The following NCAM2 variants were observed in gnomAD, a reference collection of about 807,000 sequenced individuals.
NCAM2 encodes N-CAM-2.
In NCAM2, 30 loss-of-function variants were observed where a neutral mutation model predicts 98.1. The ratio of observed to expected loss-of-function variants is 0.31; its 90% CI spans 0.23 to 0.41. NCAM2 has a LOEUF of 0.41. Among genes scored for constraint, NCAM2 ranks in the 10% least tolerant of loss-of-function variants. NCAM2 has a pLI of 1.00. For synonymous variants in NCAM2, 368 were observed against 342.4 expected (o/e 1.07, Z -0.83); for missense variants, 867 against 1,005.8 (o/e 0.86, Z 1.87).
intron 1 of NCAM2, among the ~76,000 whole-genome samples, chr21:21,174,259 C>G (rs2068214567): frequency 1.3e-5 from 2 of 152,072 alleles, no homozygotes; most frequent in South Asian, 2.1e-4. Context: ...CCATCCATTC[C>G]TTTGCATGGA....
At chr21:21,142,365 G>GT (rs67457148) in intron 1 of NCAM2, among the ~76,000 whole-genome samples, 41 of 120,500 alleles carry the variant, frequency 3.4e-4, no homozygotes, top group African/African-American at 1.1e-3. Context: ...TTATTTGACC[G>GT]TTTTTTTTTA....
At chr21:21,135,102 T>C (rs1329855185) in intron 1 of NCAM2, among the ~76,000 whole-genome samples, 2 of 150,074 alleles carry the variant, frequency 1.3e-5, no homozygotes, top group African/African-American at 2.4e-5. Context: ...AAAAATTAGC[T>C]GGGCGTGGTG....
At chr21:21,518,373 G>T (rs1039212050) in intron 16 of NCAM2, among the ~76,000 whole-genome samples, 11 of 152,006 alleles carry the variant, frequency 7.2e-5, no homozygotes, top group African/African-American at 2.7e-4. Flanking sequence ...ATAAACTAAA[G>T]AACAAACATA....
At chr21:21,378,619 A>G (rs958362648) in intron 9 of NCAM2, among the ~76,000 whole-genome samples, 2 of 151,974 alleles carry the variant, frequency 1.3e-5, no homozygotes, top group Non-Finnish European at 2.9e-5. Context: ...CATTATTTGA[A>G]TTGTCTCTGC....
chr21:21,191,991 G>A (rs1601607447), intron 1 of NCAM2, among the ~76,000 whole-genome samples: 1 of 152,152 alleles, frequency 6.6e-6, no homozygotes, highest in African/African-American at 2.4e-5. Flanking sequence ...GGAGGCCGAG[G>A]CAGGCGGATC....
chr21:21,107,594 A>G (rs2066374962), intron 1 of NCAM2, among the ~76,000 whole-genome samples: 1 of 152,114 alleles, frequency 6.6e-6, no homozygotes, highest in African/African-American at 2.4e-5. Context: ...TCTTAATTAT[A>G]TTAAAAATAA....
intron 8 of NCAM2, among the ~76,000 whole-genome samples, chr21:21,343,410 C>T (rs529612078): frequency 2.7e-5 from 4 of 146,390 alleles, no homozygotes; most frequent in Non-Finnish European, 4.5e-5. Context: ...TCATGAGAAC[C>T]GAAAATCAGG....
At chr21:21,065,427 G>A (rs1279289877) in intron 1 of NCAM2, among the ~76,000 whole-genome samples, 4 of 151,860 alleles carry the variant, frequency 2.6e-5, no homozygotes, top group Admixed American at 6.6e-5. Context: ...CTAATACAAC[G>A]ACAAAAACAA....
chr21:21,463,130 G>A (rs962487854), intron 12 of NCAM2, among the ~76,000 whole-genome samples: 2 of 152,166 alleles, frequency 1.3e-5, no homozygotes, highest in Non-Finnish European at 2.9e-5. Flanking sequence ...CATTTTCCAA[G>A]TGGTAGTTTT....
chr21:21,316,117 G>C (rs200202668), intron 5 of NCAM2, among the ~76,000 whole-genome samples: 3 of 152,092 alleles, frequency 2.0e-5, no homozygotes, highest in East Asian at 3.9e-4. Flanking sequence ...CCTTTTGAAA[G>C]CTGTGTATTT....
intron 1 of NCAM2, among the ~76,000 whole-genome samples, chr21:21,204,474 T>C (rs1275138552): frequency 2.6e-5 from 4 of 152,130 alleles, no homozygotes; most frequent in East Asian, 1.9e-4. Context: ...AAGAAAGATA[T>C]TTGTTTTGTT....
Position 21,050,980 on chromosome 21 carries a change from T to A in NCAM2, c.55+52362T>A, listed in dbSNP as rs147542759. ...CTCTTATCAAGATACTTTAAAGTTG[T>A]TATTTTTCAGACCAAAATATCTGGA... On this transcript the variant is annotated intron_variant, in intron 1 of 17. Coordinates refer to ENST00000400546, the MANE Select transcript of NCAM2 (RefSeq NM_004540.5). 2.9e-3 allele frequency among the ~76,000 whole-genome samples: 437 copies of A among 152,300 alleles called. 2 individuals carry two copies. Among genetic ancestry groups the A allele is most frequent in the African/African-American group, 0.01 (422 of 41,574 alleles).
chr21:21,348,014 T>A (rs1174888079), intron 8 of NCAM2, among the ~76,000 whole-genome samples: 1 of 152,066 alleles, frequency 6.6e-6, no homozygotes, highest in African/African-American at 2.4e-5. Context: ...TCATACTGAA[T>A]GTGGAAAAAT....
chr21:21,241,169 C>T, intron 1 of NCAM2, among the ~76,000 whole-genome samples: 1 of 151,982 alleles, frequency 6.6e-6, no homozygotes, highest in Non-Finnish European at 1.5e-5. Context: ...CAATTAAAAA[C>T]AAAAAGTTTT....
intron 16 of NCAM2, among the ~76,000 whole-genome samples, chr21:21,529,269 A>G (rs1274387751): frequency 6.6e-6 from 1 of 152,128 alleles, no homozygotes; most frequent in Non-Finnish European, 1.5e-5. Flanking sequence ...TTAATCAGAA[A>G]ATCTGAGAAA....
intron 15 of NCAM2, among the ~76,000 whole-genome samples, chr21:21,500,409 T>C (rs890699148): frequency 6.6e-6 from 1 of 152,132 alleles, no homozygotes; most frequent in African/African-American, 2.4e-5. Context: ...CCCCACCTGG[T>C]GTGATGCAGA....
intron 1 of NCAM2, among the ~76,000 whole-genome samples, chr21:21,104,302 T>G (rs975090884): frequency 6.6e-6 from 1 of 152,158 alleles, no homozygotes; most frequent in African/African-American, 2.4e-5. Flanking sequence ...ATTAGTGTAT[T>G]GTATATATCT....
At chr21:21,104,400 A>G (rs74322105) in intron 1 of NCAM2, among the ~76,000 whole-genome samples, 8 of 151,948 alleles carry the variant, frequency 5.3e-5, no homozygotes, top group Non-Finnish European at 1.0e-4. Flanking sequence ...TCTAGTACCT[A>G]TTTTTTTTCT....
chr21:21,272,166 TAG>T (rs1484966481), intron 1 of NCAM2, among the ~76,000 whole-genome samples: 1 of 152,208 alleles, frequency 6.6e-6, no homozygotes, highest in Non-Finnish European at 1.5e-5. Flanking sequence ...ATATTTGTTC[TAG>T]AGATTGTAGA....
Sources: gnomAD v4.1 joint callset for allele counts (sites outside exome capture counted in the v4.1 genomes callset) on GRCh38, gnomAD v4.1.1 for gene constraint, MANE v1.5 for transcripts, NCBI Gene and HGNC (gene_info 2026-07-23, HGNC 2026-07-21) for gene names.